ADGRL3: variants seen among roughly 807,000 people sequenced by gnomAD.
ADGRL3 encodes adhesion G protein-coupled receptor L3.
In ADGRL3, 62 loss-of-function variants were observed where a neutral mutation model predicts 153.5. The observed-to-expected ratio is 0.40, with a 90% confidence interval of 0.33 to 0.50. The LOEUF is 0.50. Among genes scored for constraint, ADGRL3 ranks in the 20% least tolerant of loss-of-function variants. The probability of loss-of-function intolerance (pLI) is 0.47; values close to 1 mark genes in which losing one functional copy is unlikely to be tolerated. For missense variants in ADGRL3, 1,641 were observed against 1,859.4 expected, an observed-to-expected ratio of 0.88 and a Z score of 2.16; for synonymous variants, 710 against 672.5, an observed-to-expected ratio of 1.06 and a Z score of -0.86.
At chr4:61,324,403 G>C (rs2095425652) in intron 1 of ADGRL3, among the ~76,000 whole-genome samples, 2 of 152,026 alleles carry the variant, frequency 1.3e-5, no homozygotes, top group South Asian at 4.1e-4. Flanking sequence ...AAAAAAGAAT[G>C]TTTGAATGAG....
rs2098462231 is a variant in ADGRL3 at position 61,511,241 on chromosome 4, A to G, written c.56-6074A>G. On this transcript the variant is annotated intron_variant, in intron 3 of 26. Transcript: ENST00000683033. ...CGGACATGGTGGCGGGTGCCACCTC[A>G]TCACCTTATCTCAACTACTCGGGAC... 2.6e-5 allele frequency among the ~76,000 whole-genome samples: 4 copies of G among 152,196 alleles called. No individual in the cohort carries two copies. In the South Asian group the frequency reaches 8.3e-4, roughly 32 times the overall value.
chr4:61,571,316 TAATAAAATAAAATAAAATAAAATAA>T (rs10605564), intron 4 of ADGRL3, among the ~76,000 whole-genome samples: 316 of 140,308 alleles, frequency 2.3e-3, no homozygotes, highest in Non-Finnish European at 3.8e-3. Flanking sequence ...CTCAACAAAA[TAATAAAATAAAATAAAATAAAATAA>T]AATAAAATAA....
At chr4:61,483,605 C>T (rs375514938) in intron 2 of ADGRL3, among the ~76,000 whole-genome samples, 1 of 151,764 alleles carries the variant, frequency 6.6e-6, no homozygotes, top group African/African-American at 2.4e-5. Context: ...GGCATGGTGG[C>T]GCATGCCTGT....
At chr4:61,975,380 A>G (rs1162655427) in intron 17 of ADGRL3, among the ~76,000 whole-genome samples, 1 of 152,134 alleles carries the variant, frequency 6.6e-6, no homozygotes, top group Non-Finnish European at 1.5e-5. Flanking sequence ...TGCAAAGACC[A>G]TGGGCTGGAA....
At chr4:61,703,622 AT>A (rs1301924416) in intron 6 of ADGRL3, among the ~76,000 whole-genome samples, 2 of 151,974 alleles carry the variant, frequency 1.3e-5, no homozygotes, top group African/African-American at 4.8e-5. Context: ...AAAAAAAAAG[AT>A]TCATTTATAA....
intron 19 of ADGRL3, among the ~76,000 whole-genome samples, chr4:61,985,643 C>T (rs565241947): frequency 5.9e-5 from 9 of 152,136 alleles, no homozygotes; most frequent in South Asian, 2.1e-4. Context: ...AAAAAGGGAA[C>T]GACAAGAAGA....
chr4:61,379,940 TAG>T (rs2096647784), intron 1 of ADGRL3, among the ~76,000 whole-genome samples: 2 of 152,012 alleles, frequency 1.3e-5, no homozygotes, highest in Non-Finnish European at 2.9e-5. Context: ...CTTGAGGATG[TAG>T]AGTCTGAATT....
intron 25 of ADGRL3, among the ~76,000 whole-genome samples, chr4:62,067,723 T>C (rs1402854311): frequency 6.6e-6 from 1 of 152,116 alleles, no homozygotes; most frequent in Non-Finnish European, 1.5e-5. Flanking sequence ...GCTTCAGATT[T>C]TATTTATACT....
chr4:61,469,949 A>C, intron 2 of ADGRL3, among the ~76,000 whole-genome samples: 1 of 151,810 alleles, frequency 6.6e-6, no homozygotes, highest in South Asian at 2.1e-4. Context: ...AAAAAAACAA[A>C]CCCCCAGCAC....
chr4:61,521,745 T>C (rs979521515), intron 4 of ADGRL3, among the ~76,000 whole-genome samples: 2 of 152,042 alleles, frequency 1.3e-5, no homozygotes, highest in African/African-American at 2.4e-5. Context: ...TAAATGAGTG[T>C]ACCATTTACT....
At chr4:62,021,639 G>A (rs185776244) in intron 21 of ADGRL3, among the ~76,000 whole-genome samples, 21 of 152,108 alleles carry the variant, frequency 1.4e-4, no homozygotes, top group Non-Finnish European at 3.1e-4. Context: ...TTTTCCAACA[G>A]CATGTGCTTA....
chr4:61,453,708 T>G (rs1176310514), intron 2 of ADGRL3, among the ~76,000 whole-genome samples: 1 of 152,128 alleles, frequency 6.6e-6, no homozygotes, highest in African/African-American at 2.4e-5. Context: ...CTCAAGCTTG[T>G]GCAGATAACT....
At chr4:61,648,686 C>A (rs2094136531) in intron 5 of ADGRL3, among the ~76,000 whole-genome samples, 1 of 151,860 alleles carries the variant, frequency 6.6e-6, no homozygotes, top group South Asian at 2.1e-4. Context: ...AACATCATTG[C>A]CTTTCACTAA....
At chr4:61,507,736 C>G (rs1424155808) in intron 3 of ADGRL3, among the ~76,000 whole-genome samples, 1 of 152,076 alleles carries the variant, frequency 6.6e-6, no homozygotes, top group East Asian at 1.9e-4. Context: ...AGTTCTCATT[C>G]TTCTCAGCTG....
intron 8 of ADGRL3, among the ~76,000 whole-genome samples, chr4:61,751,982 TA>T (rs2096762800): frequency 6.6e-6 from 1 of 152,184 alleles, no homozygotes; most frequent in African/African-American, 2.4e-5. Context: ...TTTCTTATTT[TA>T]AAAAGTTATT....
intron 21 of ADGRL3, among the ~76,000 whole-genome samples, chr4:62,010,697 T>C (rs2099181672): frequency 6.7e-5 from 2 of 29,630 alleles, no homozygotes; most frequent in South Asian, 4.4e-3. Flanking sequence ...AATGAAGTCT[T>C]ATGAAAAGGG....
chr4:61,530,466 T>C (rs1332970568), intron 4 of ADGRL3, among the ~76,000 whole-genome samples: 2 of 152,104 alleles, frequency 1.3e-5, no homozygotes, highest in Admixed American at 6.5e-5. Context: ...TTGTTTCAGC[T>C]CTTGTCAAGG....
intron 21 of ADGRL3, among the ~76,000 whole-genome samples, chr4:62,008,446 T>G (rs2099169331): frequency 6.6e-6 from 1 of 152,116 alleles, no homozygotes; most frequent in Non-Finnish European, 1.5e-5. Context: ...CATTATTTCT[T>G]TATGTGATAA....
chr4:62,001,768 AC>A (rs1311064039), intron 21 of ADGRL3, among the ~76,000 whole-genome samples: 5 of 152,066 alleles, frequency 3.3e-5, no homozygotes, highest in African/African-American at 9.7e-5. Context: ...TATCTGGAAA[AC>A]TTTTTTTTAG....
Sources: allele counts gnomAD v4.1 joint callset (sites outside exome capture counted in the v4.1 genomes callset), GRCh38; gene constraint gnomAD v4.1.1; transcripts MANE v1.5; gene names NCBI Gene and HGNC (gene_info 2026-07-23, HGNC 2026-07-21).